The following TMEM132B variants were observed in gnomAD, a reference collection of about 807,000 sequenced individuals.
TMEM132B encodes transmembrane protein 132B.
Under a neutral mutation model 90.8 loss-of-function variants are expected in TMEM132B, and 18 were observed. The ratio of observed to expected loss-of-function variants is 0.20; its 90% CI spans 0.14 to 0.29. TMEM132B has a LOEUF of 0.29. TMEM132B is among the 10% of genes least tolerant of loss of function. The probability of loss-of-function intolerance (pLI) is 1.00; values close to 1 mark genes in which losing one functional copy is unlikely to be tolerated. For missense variants in TMEM132B, 1,096 were observed against 1,326.8 expected, an observed-to-expected ratio of 0.83 and a Z score of 2.70; for synonymous variants, 504 against 523.3, an observed-to-expected ratio of 0.96 and a Z score of 0.50.
intron 5 of TMEM132B, among the ~76,000 whole-genome samples, chr12:125,643,046 A>G (rs1886669953): frequency 6.6e-6 from 1 of 152,138 alleles, no homozygotes; most frequent in Non-Finnish European, 1.5e-5. Context: ...TGAGCCATTC[A>G]CTTGACCATG....
intron 1 of TMEM132B, among the ~76,000 whole-genome samples, chr12:125,208,843 C>T (rs1873247628): frequency 6.6e-6 from 1 of 152,154 alleles, no homozygotes; most frequent in African/African-American, 2.4e-5. Context: ...TGTCCAGGGT[C>T]CAAAGGGACA....
intron 5 of TMEM132B, among the ~76,000 whole-genome samples, chr12:125,641,970 G>A (rs11058278): frequency 0.026 from 3,951 of 152,306 alleles, 77 homozygotes; most frequent in Non-Finnish European, 0.044. Context: ...ATCCACTGCA[G>A]GTTTCTAAAT....
intron 2 of TMEM132B, among the ~76,000 whole-genome samples, chr12:125,354,793 A>G (rs1029984927): frequency 6.6e-6 from 1 of 152,220 alleles, no homozygotes; most frequent in African/African-American, 2.4e-5. Flanking sequence ...TGCTATAATT[A>G]ATATGTGTTA....
chr12:125,248,322 T>C (rs1465988023), intron 1 of TMEM132B, among the ~76,000 whole-genome samples: 1 of 152,242 alleles, frequency 6.6e-6, no homozygotes, highest in Non-Finnish European at 1.5e-5. Context: ...ACCATATTAA[T>C]TCAATCTATC....
At chr12:125,322,150 G>C (rs546293445) in intron 1 of TMEM132B, among the ~76,000 whole-genome samples, 1 of 152,212 alleles carries the variant, frequency 6.6e-6, no homozygotes, top group South Asian at 2.1e-4. Flanking sequence ...GGAGGGACCC[G>C]GTGAGAGGTA....
At chr12:125,373,908 C>T (rs1878388085) in intron 2 of TMEM132B, among the ~76,000 whole-genome samples, 1 of 152,230 alleles carries the variant, frequency 6.6e-6, no homozygotes, top group Admixed American at 6.5e-5. Context: ...GATTCTCATG[C>T]CTCAGCCTCC....
chr12:125,438,558 TCCAC>T, intron 3 of TMEM132B, among the ~76,000 whole-genome samples: 1 of 152,290 alleles, frequency 6.6e-6, no homozygotes, highest in Middle Eastern at 3.4e-3. Context: ...GTAGCAAACA[TCCAC>T]CTATCTACCA....
At chr12:125,285,462 A>G (rs1875324154) in intron 1 of TMEM132B, among the ~76,000 whole-genome samples, 2 of 152,220 alleles carry the variant, frequency 1.3e-5, no homozygotes, top group Admixed American at 1.3e-4. Context: ...GGGCACTCCC[A>G]GCTGAAGCCT....
chr12:125,438,935 A>G (rs1365104124), intron 3 of TMEM132B, among the ~76,000 whole-genome samples: 1 of 152,206 alleles, frequency 6.6e-6, no homozygotes, highest in African/African-American at 2.4e-5. Context: ...ATTCCATGAT[A>G]CAGACATTCC....
intron 3 of TMEM132B, among the ~76,000 whole-genome samples, chr12:125,428,564 C>G (rs544469760): frequency 3.1e-4 from 47 of 152,128 alleles, no homozygotes; most frequent in African/African-American, 1.1e-3. Flanking sequence ...GAGTGGTTGC[C>G]TCTGCCCCCA....
chr12:125,463,832 G>T (rs977135608), intron 3 of TMEM132B, among the ~76,000 whole-genome samples: 2 of 152,178 alleles, frequency 1.3e-5, no homozygotes, highest in African/African-American at 2.4e-5. Context: ...AACAAAAGAG[G>T]TTTAATTGAC....
intron 3 of TMEM132B, among the ~76,000 whole-genome samples, chr12:125,449,498 A>G (rs1881093625): frequency 6.6e-6 from 1 of 152,072 alleles, no homozygotes; most frequent in Non-Finnish European, 1.5e-5. Flanking sequence ...CTGGAGATTT[A>G]TCAATTTTTT....
Position 125,584,343 on chromosome 12 carries a change from T to C in TMEM132B, c.1437+349T>C, listed in dbSNP as rs1429852759. The stretch of plus-strand genomic sequence containing the variant: ...TAGCAATCCAAATAAGACCTTCTCA[T>C]TTTTTGCAAACTCACTGTGCCTAAT... On this transcript the variant is annotated intron_variant, in intron 5 of 8. Coordinates refer to ENST00000682704, the MANE Select transcript of TMEM132B (RefSeq NM_001366854.1). The C allele has an allele frequency of 2.5e-4, 60 of 238,330 alleles. No homozygotes were observed. In the Admixed American group the frequency reaches 2.9e-3, roughly 11 times the overall value. 14.8% of individuals were successfully genotyped at this position (238,330 alleles called of 1,614,324 possible).
Position 125,304,452 on chromosome 12 carries a change from A to T in TMEM132B, c.68-45000A>T, listed in dbSNP as rs150405874. Among the ~76,000 whole-genome samples the T allele has an allele frequency of 3.8e-3, 582 of 152,126 alleles. 4 individuals carry two copies. The highest frequency in any genetic ancestry group is 0.013 in the African/African-American group (550 of 41,480). On this transcript the variant is annotated intron_variant, in intron 1 of 8. Coordinates refer to ENST00000682704, the MANE Select transcript of TMEM132B (RefSeq NM_001366854.1). ...CAAAATCCATGAAGATTTGTCCTTC[A>T]TGGATTTTGCAATGACTTCATAAAT...
intron 1 of TMEM132B, among the ~76,000 whole-genome samples, chr12:125,260,118 C>T (rs189398230): frequency 2.6e-4 from 39 of 152,242 alleles, no homozygotes; most frequent in African/African-American, 8.9e-4. Flanking sequence ...AGAGAGAGAT[C>T]GAAGTGTATG....
At chr12:125,398,002 A>G (rs1460309280) in intron 2 of TMEM132B, among the ~76,000 whole-genome samples, 2 of 152,206 alleles carry the variant, frequency 1.3e-5, no homozygotes, top group Admixed American at 6.5e-5. Flanking sequence ...TGACAAGGAC[A>G]GAACAGTTAG....
intron 4 of TMEM132B, among the ~76,000 whole-genome samples, chr12:125,521,187 G>A (rs191982683): frequency 6.6e-6 from 1 of 152,258 alleles, no homozygotes; most frequent in East Asian, 1.9e-4. Flanking sequence ...AGCTACCACT[G>A]CTGCCACCTC....
chr12:125,643,989 G>A, intron 5 of TMEM132B, 87 bp from the exon 6 acceptor site: 3 of 1,195,134 alleles, frequency 2.5e-6, no homozygotes, highest in Non-Finnish European at 3.7e-6. Flanking sequence ...AATCAGAGCT[G>A]CTGCAGTTCA....
At chr12:125,546,131 C>G (rs1217666729) in intron 4 of TMEM132B, among the ~76,000 whole-genome samples, 1 of 152,044 alleles carries the variant, frequency 6.6e-6, no homozygotes, top group East Asian at 1.9e-4. Flanking sequence ...ATGTATACAT[C>G]TTTTGCAATA....
Sources: gnomAD v4.1 joint callset for allele counts (sites outside exome capture counted in the v4.1 genomes callset) on GRCh38, gnomAD v4.1.1 for gene constraint, MANE v1.5 for transcripts, NCBI Gene and HGNC (gene_info 2026-07-23, HGNC 2026-07-21) for gene names.